CEP350: variants seen among roughly 807,000 people sequenced by gnomAD.
CEP350 encodes centrosome-associated protein 350.
CEP350 carries 126 observed loss-of-function variants against 331.8 expected under a neutral mutation model. That is an observed-to-expected ratio of 0.38 (90% CI 0.33 to 0.44). The LOEUF is 0.44. Among genes scored for constraint, CEP350 ranks in the 20% least tolerant of loss-of-function variants. The pLI is 1.00. For missense variants in CEP350, 3,406 were observed against 3,634.6 expected (o/e 0.94, Z 1.62); for synonymous variants, 1,200 against 1,259.5 (o/e 0.95, Z 1.00).
Position 180,043,208 on chromosome 1 carries a change from G to C in CEP350, c.4499+16G>C, listed in dbSNP as rs558977522. 3.1e-6 allele frequency: 5 copies of C among 1,597,862 alleles called. No individual in the cohort carries two copies. The African/African-American group carries it at 6.7e-5, about 21-fold the overall frequency. Reference sequence around the variant, plus strand: ...AAACAGATAGGTTAATATTCATTCAGTCAGCAAATATATAATGACTGTCTG... The same window carrying C: ...AAACAGATAGGTTAATATTCATTCACTCAGCAAATATATAATGACTGTCTG... On this transcript the variant is annotated intron_variant, in intron 20 of 37. Coordinates refer to ENST00000367607, the MANE Select transcript of CEP350 (RefSeq NM_014810.5).
chr1:180,033,966 G>T lies in CEP350; in HGVS notation c.3830G>T (p.Arg1277Ile). ...QFDVAGTSSE[R>I]SKSSVMPPTI... is the part of the protein sequence containing the mutation. ...GACGTTGCAGGAACTTCTTCAGAAAGATCTAAGTCGTCAGTAATGCCTCCA... is the reference window on the plus strand; with the variant it reads ...GACGTTGCAGGAACTTCTTCAGAAATATCTAAGTCGTCAGTAATGCCTCCA... Residue 1277 changes from arginine to isoleucine, a missense_variant, in exon 16 of 38, where the codon AGA (arginine) becomes ATA (isoleucine). This residue lies in a region of CEP350 where 1,857 missense variants were observed against 1,909.2 expected (regional missense o/e 0.97). Coordinates refer to ENST00000367607, the MANE Select transcript of CEP350 (RefSeq NM_014810.5). 2 of 1,613,882 alleles carry T rather than the reference G, an allele frequency of 1.2e-6. No individual in the cohort carries two copies. The highest frequency in any genetic ancestry group is 1.1e-5 in the South Asian group (1 of 91,082).
In CEP350 at chr1:179,980,265, T is replaced by A. The variant is rs533139937; in HGVS notation, c.-13-5904T>A. Among the ~76,000 whole-genome samples the A allele has an allele frequency of 2.6e-5, 4 of 152,082 alleles. No individual in the cohort carries two copies. The South Asian group carries it at 8.3e-4, about 32-fold the overall frequency. On this transcript the variant is annotated intron_variant, in intron 1 of 37. Coordinates refer to ENST00000367607, the MANE Select transcript of CEP350 (RefSeq NM_014810.5). ...TTTTTTACCTCCTTGGTTAAACTTA[T>A]TCCTAGGCAGATTTTTTTTTTCTTT...
chr1:180,058,216 A>G (rs888162416), intron 25 of CEP350, among the ~76,000 whole-genome samples: 1 of 152,246 alleles, frequency 6.6e-6, no homozygotes, highest in African/African-American at 2.4e-5. Context: ...TATTCTTGCA[A>G]GAAAGTATAA....
At chr1:180,092,546 C>T in intron 33 of CEP350, 68 bp from the exon 34 acceptor site, 1 of 1,265,438 alleles carries the variant, frequency 7.9e-7, no homozygotes, top group Non-Finnish European at 1.1e-6. Context: ...TTTCTCTAAA[C>T]TTTGGTTCAC....
chr1:180,006,636 T>C, intron 8 of CEP350, 69 bp downstream of exon 8: 1 of 814,596 alleles, frequency 1.2e-6, no homozygotes, highest in South Asian at 1.5e-5. Context: ...ACTTTAAGTT[T>C]TGGGATACAT....
chr1:179,965,452 A>T (rs1650930751), intron 1 of CEP350, among the ~76,000 whole-genome samples: 1 of 152,020 alleles, frequency 6.6e-6, no homozygotes, highest in Admixed American at 6.5e-5. Flanking sequence ...TGTTAGTTTT[A>T]TGCTTTGACG....
At chr1:180,090,665 G>T in intron 32 of CEP350, 49 bp from the exon 33 acceptor site, 2 of 1,480,760 alleles carry the variant, frequency 1.4e-6, no homozygotes, top group South Asian at 1.4e-5. Flanking sequence ...TTTGTTACCA[G>T]TTATTATAGT....
At chr1:180,004,869 GGCTGGCTTGCTTGCTTGCTT>G (rs1379773941) in intron 7 of CEP350, among the ~76,000 whole-genome samples, 2 of 90,552 alleles carry the variant, frequency 2.2e-5, no homozygotes, top group African/African-American at 9.8e-5. Flanking sequence ...CAGGCAGGCT[GGCTGGCTTGCTTGCTTGCTT>G]GCTTGCTTGC....
rs777427919 is a variant in CEP350, at chr1:180,044,092, C to A, written c.4541C>A (p.Thr1514Asn). 34 of 1,557,532 alleles carry A rather than the reference C, an allele frequency of 2.2e-5. No individual in the cohort carries two copies. Among genetic ancestry groups the A allele is most frequent in the Non-Finnish European group, 3.0e-5 (34 of 1,149,684 alleles). ...TCACTCTCTCAGAGTAAAGAAGGGA[C>A]CCTTGACTCAAAGCATCAGAAGTAT... ...SVSLSQSKEG[T>N]LDSKHQKYSA... The change falls in exon 21 of 38, where the codon ACC (threonine) becomes AAC (asparagine). Residue 1514 changes from threonine (T) to asparagine (N), a missense_variant. Around this residue, in one of 5 missense-constraint regions of CEP350, gnomAD observed 1,857 missense variants for 1,909.2 expected, o/e 0.97. Coordinates refer to ENST00000367607, the MANE Select transcript of CEP350 (RefSeq NM_014810.5).
chr1:180,040,696 A>G (rs1396403891), intron 17 of CEP350, among the ~76,000 whole-genome samples: 2 of 151,930 alleles, frequency 1.3e-5, no homozygotes, highest in African/African-American at 4.8e-5. Context: ...GTGGTAAGAA[A>G]GGGTCCTGGT....
intron 14 of CEP350, among the ~76,000 whole-genome samples, chr1:180,027,140 G>C (rs376690785): frequency 1.3e-5 from 2 of 152,128 alleles, no homozygotes; most frequent in East Asian, 3.8e-4. Context: ...TTTGATAATA[G>C]GACATCCTAA....
intron 22 of CEP350, among the ~76,000 whole-genome samples, chr1:180,049,729 A>G (rs1273722741): frequency 1.3e-5 from 2 of 152,022 alleles, no homozygotes; most frequent in African/African-American, 4.8e-5. Context: ...TTTTTAGTAG[A>G]GACAGGGTTT....
At chr1:179,988,089 G>A (rs1416013861) in intron 3 of CEP350, among the ~76,000 whole-genome samples, 1 of 152,050 alleles carries the variant, frequency 6.6e-6, no homozygotes, top group Non-Finnish European at 1.5e-5. Flanking sequence ...TTTGAGCCCA[G>A]GCATTCAAGA....
chr1:180,009,688 T>C (rs1179721518), intron 8 of CEP350, among the ~76,000 whole-genome samples: 1 of 152,164 alleles, frequency 6.6e-6, no homozygotes, highest in African/African-American at 2.4e-5. Flanking sequence ...CAGGCTGAAA[T>C]TGAAGAGAAA....
In CEP350 at chr1:179,980,267, C is replaced by T. The variant is rs560305265; in HGVS notation, c.-13-5902C>T. On this transcript the variant is annotated intron_variant, in intron 1 of 37. Transcript: ENST00000367607. ...TTTTACCTCCTTGGTTAAACTTATT[C>T]CTAGGCAGATTTTTTTTTTCTTTTT... Among the ~76,000 whole-genome samples, 4 of 151,550 alleles carry T rather than the reference C, an allele frequency of 2.6e-5. No individual in the cohort carries two copies. The South Asian group carries it at 8.4e-4, about 32-fold the overall frequency.
In CEP350 at chr1:180,024,478, C is replaced by T; in HGVS notation, c.3446C>T (p.Ser1149Phe). The change falls in exon 14 of 38, where the codon TCT becomes TTT. Residue 1149 changes from serine to phenylalanine, a missense_variant. Coordinates refer to ENST00000367607, the MANE Select transcript of CEP350 (RefSeq NM_014810.5). ...SNRKSAYDPS[S>F]VDVTSQHSSG... ...AGAAAGTCTGCCTATGATCCTTCCT[C>T]TGTGGATGTTACCTCCCAGCATTCA... is the stretch of plus-strand genomic sequence containing the variant. 1 of 1,613,344 alleles carries T rather than the reference C, an allele frequency of 6.2e-7. No individual in the cohort carries two copies. The highest frequency in any genetic ancestry group is 8.5e-7 in the Non-Finnish European group (1 of 1,179,594).
chr1:180,016,660 G>GTT (rs10660202), intron 11 of CEP350, among the ~76,000 whole-genome samples: 85,418 of 128,094 alleles, frequency 0.67, 29,117 homozygotes, highest in Middle Eastern at 0.78. Context: ...TTTGGGTTAT[G>GTT]TTTTTTTTTT....
intron 19 of CEP350, 112 bp from the exon 20 acceptor site, chr1:180,042,944 A>G (rs1020189179): frequency 1.7e-6 from 2 of 1,171,220 alleles, no homozygotes; most frequent in African/African-American, 3.1e-5. Context: ...TAGTGGCAGA[A>G]TTTGCTTGTT....
At chr1:179,988,341 T>A (rs1413202772) in intron 3 of CEP350, among the ~76,000 whole-genome samples, 2 of 151,850 alleles carry the variant, frequency 1.3e-5, no homozygotes, top group African/African-American at 4.8e-5. Context: ...AAGGTAGGGC[T>A]TTGTCTATGT....
Sources: allele counts gnomAD v4.1 joint callset (sites outside exome capture counted in the v4.1 genomes callset), GRCh38; gene constraint gnomAD v4.1.1; regional missense constraint gnomAD v4.1.1; transcripts MANE v1.5; gene names NCBI Gene and HGNC (gene_info 2026-07-23, HGNC 2026-07-21).